Variants in TBCD observed in about 807,000 individuals in gnomAD.
The protein encoded by TBCD is tubulin-specific chaperone D.
Under a neutral mutation model 169.3 loss-of-function variants are expected in TBCD, and 105 were observed. The ratio of observed to expected loss-of-function variants is 0.62; its 90% CI spans 0.53 to 0.73. TBCD has a LOEUF of 0.73. Among genes scored for constraint, TBCD ranks in the 30% least tolerant of loss-of-function variants. The probability of loss-of-function intolerance (pLI) is 0.00; values close to 1 mark genes in which losing one functional copy is unlikely to be tolerated. For synonymous variants in TBCD, 700 were observed against 643.9 expected (o/e 1.09, Z -1.32); for missense variants, 1,444 against 1,600.1 (o/e 0.90, Z 1.66).
intron 23 of TBCD, among the ~76,000 whole-genome samples, chr17:82,914,706 C>A (rs897532200): frequency 6.6e-6 from 1 of 151,950 alleles, no homozygotes; most frequent in African/African-American, 2.4e-5. Flanking sequence ...GCAGCTCCTT[C>A]CCCTCCATGG....
chr17:82,932,236 C>T (rs764195127), intron 33 of TBCD: 39 of 287,544 alleles, frequency 1.4e-4, no homozygotes, highest in Middle Eastern at 2.5e-3. Context: ...AGACCTGGGA[C>T]GCGTCTTGAG....
Position 82,942,570 on chromosome 17 carries a change from G to C in TBCD, c.*107G>C, listed in dbSNP as rs2063415110. The C allele has an allele frequency of 6.6e-7, 1 of 1,507,324 alleles. No homozygotes were observed. Among genetic ancestry groups the C allele is most frequent in the African/African-American group, 1.4e-5 (1 of 72,842 alleles). The allele number at this position is 1,507,324 out of a possible 1,614,324, so 93.4% of individuals were successfully genotyped here. The stretch of plus-strand genomic sequence containing the variant: ...ACAGTGGTGCCTCCAGCTGTTGAAG[G>C]GTAGCGCTGGCCCTTGGAGGCTGGC... On this transcript the variant is annotated 3_prime_UTR_variant, in exon 39 of 39. Transcript: ENST00000355528.
rs1398344992 is a variant in TBCD at position 82,835,112 on chromosome 17, A to G, written c.1318+20178A>G. 2.6e-5 allele frequency among the ~76,000 whole-genome samples: 4 copies of G among 152,178 alleles called. No individual in the cohort carries two copies. Among genetic ancestry groups the G allele is most frequent in the Non-Finnish European group, 5.9e-5 (4 of 68,026 alleles). On this transcript the variant is annotated intron_variant, in intron 13 of 38. Coordinates refer to ENST00000355528, the MANE Select transcript of TBCD (RefSeq NM_005993.5). This position sits in a 1 kb window ranked among gnomAD's most constrained non-coding sequence, Gnocchi z 4.5. ...GACTTAAGAAAACTGTTTCAACTGC[A>G]GTATTTTTTTTAAGGAATGGGCAGA...
In TBCD at chr17:82,921,508, G is replaced by T; in HGVS notation, c.2109G>T (p.Trp703Cys). 6.2e-7 allele frequency: 1 copy of T among 1,613,994 alleles called. No individual in the cohort carries two copies. The highest frequency in any genetic ancestry group is 1.1e-5 in the South Asian group (1 of 91,084). The change falls in exon 25 of 39, where the codon TGG becomes TGT. Residue 703 changes from tryptophan (W) to cysteine (C), a missense_variant. By Grantham distance (215) the Trp-to-Cys change is radical. Transcript: ENST00000355528. ...PFRGDTVIDG[W>C]QWLINDTLRH... ...AACTTGATTTTTTGACAGATGGTTGGCAATGGCTGATAAATGACACTTTGA... is the reference window on the plus strand; with the variant it reads ...AACTTGATTTTTTGACAGATGGTTGTCAATGGCTGATAAATGACACTTTGA...
At chr17:82,846,754 G>A (rs75552659) in intron 13 of TBCD, among the ~76,000 whole-genome samples, 18,661 of 152,266 alleles carry the variant, frequency 0.12, 1,482 homozygotes, top group Non-Finnish European at 0.17. Flanking sequence ...TCACCTGCCT[G>A]AGAACCCCTG....
chr17:82,887,465 C>T (rs1255949419), intron 15 of TBCD, among the ~76,000 whole-genome samples: 8 of 152,144 alleles, frequency 5.3e-5, no homozygotes, highest in Non-Finnish European at 8.8e-5. Context: ...CCACCCCGAG[C>T]GTGGTGGGTG....
At chr17:82,842,242 C>T (rs899940417) in intron 13 of TBCD, among the ~76,000 whole-genome samples, 1 of 152,178 alleles carries the variant, frequency 6.6e-6, no homozygotes, top group African/African-American at 2.4e-5. Flanking sequence ...TACCTTCCAC[C>T]CTCTACCCTG....
chr17:82,906,667 C>A (rs577707763), intron 20 of TBCD, among the ~76,000 whole-genome samples: 1 of 152,360 alleles, frequency 6.6e-6, no homozygotes, highest in South Asian at 2.1e-4. Flanking sequence ...ACCTGCTTCT[C>A]GGACTCCAGT....
intron 18 of TBCD, among the ~76,000 whole-genome samples, chr17:82,902,710 C>T (rs1051647537): frequency 6.6e-5 from 10 of 152,196 alleles, no homozygotes; most frequent in Admixed American, 2.0e-4. Flanking sequence ...GACAGACACC[C>T]GCCTTCTGCA....
chr17:82,888,602 G>C (rs1413316972), intron 15 of TBCD, among the ~76,000 whole-genome samples: 1 of 152,188 alleles, frequency 6.6e-6, no homozygotes, highest in African/African-American at 2.4e-5. Context: ...CCAATCTCCA[G>C]CCCAGCCCAG....
In TBCD at chr17:82,903,359, G is replaced by GA; in HGVS notation, c.1731-44dup. 1.3e-6 allele frequency: 2 copies of GA among 1,522,826 alleles called. No homozygotes were observed. Among genetic ancestry groups the GA allele is most frequent in the Non-Finnish European group, 1.8e-6 (2 of 1,115,932 alleles). The allele number at this position is 1,522,826 out of a possible 1,614,324, so 94.3% of individuals were successfully genotyped here. On this transcript the variant is annotated intron_variant, in intron 18 of 38. Transcript: ENST00000355528. The surrounding 1 kb of genome is among the most constrained non-coding windows in gnomAD (Gnocchi z 4.8). The stretch of plus-strand genomic sequence containing the variant: ...TCTTTTTATGAATTGAATAAAGCTA[G>GA]AATCATAAAATGAAGGCACTTACGA...
intron 30 of TBCD, 136 bp from the exon 31 acceptor site, chr17:82,928,977 C>A: frequency 1.8e-6 from 2 of 1,127,066 alleles, no homozygotes; most frequent in Non-Finnish European, 2.5e-6. Flanking sequence ...GCCAACTCAG[C>A]CACCATGTCC....
chr17:82,755,154 G>C (rs184361505), intron 1 of TBCD, among the ~76,000 whole-genome samples: 3 of 152,356 alleles, frequency 2.0e-5, no homozygotes, highest in African/African-American at 7.2e-5. Flanking sequence ...TTCACGATTG[G>C]TGATTGGTTG....
intron 13 of TBCD, among the ~76,000 whole-genome samples, chr17:82,818,276 TC>T (rs1346806054): frequency 1.3e-5 from 2 of 152,300 alleles, no homozygotes; most frequent in African/African-American, 4.8e-5. Context: ...CCCATTCTGT[TC>T]CTGGTGGGAC....
At chr17:82,811,902 A>T (rs2051466792) in intron 12 of TBCD, among the ~76,000 whole-genome samples, 1 of 152,148 alleles carries the variant, frequency 6.6e-6, no homozygotes, top group Non-Finnish European at 1.5e-5. Context: ...AACTGTAAGA[A>T]CACCCAGCAC....
At chr17:82,900,549 T>C (rs542835791) in intron 17 of TBCD, 102 bp from the exon 18 acceptor site, 889 of 898,114 alleles carry the variant, frequency 9.9e-4, no homozygotes, top group Non-Finnish European at 1.4e-3. Context: ...TTTGAAGAAA[T>C]GGGCAAACTG....
intron 11 of TBCD, among the ~76,000 whole-genome samples, chr17:82,808,206 T>A (rs1289097511): frequency 6.6e-6 from 1 of 152,172 alleles, no homozygotes; most frequent in East Asian, 1.9e-4. Flanking sequence ...CCGGTGGCCC[T>A]GTGGGCTCGG....
At chr17:82,906,504 A>G (rs531609558) in intron 20 of TBCD, among the ~76,000 whole-genome samples, 2 of 152,248 alleles carry the variant, frequency 1.3e-5, no homozygotes, top group African/African-American at 4.8e-5. Flanking sequence ...TCAGTTGGCT[A>G]TGTTTGTACA....
At chr17:82,810,172 C>T (rs1342842050) in intron 12 of TBCD, among the ~76,000 whole-genome samples, 2 of 152,148 alleles carry the variant, frequency 1.3e-5, no homozygotes, top group Admixed American at 6.6e-5. Context: ...TGACCAAGGC[C>T]TGAGTTTGAA....
Sources: allele counts gnomAD v4.1 joint callset (sites outside exome capture counted in the v4.1 genomes callset), GRCh38; gene constraint gnomAD v4.1.1; non-coding constraint Gnocchi (gnomAD v3.1); transcripts MANE v1.5; gene names NCBI Gene and HGNC (gene_info 2026-07-23, HGNC 2026-07-21).